ZNF875: variants seen among roughly 807,000 people sequenced by gnomAD.
ZNF875 encodes zinc finger protein 875.
Under a neutral mutation model 11.2 loss-of-function variants are expected in ZNF875, and 14 were observed. The observed-to-expected ratio is 1.26, with a 90% CI of 0.83 to 1.96. The LOEUF is 1.96. Among genes scored for constraint, ZNF875 ranks in the 30% most tolerant of loss-of-function variants. ZNF875 has a pLI of 0.00. For synonymous variants in ZNF875, 301 were observed against 281.1 expected (o/e 1.07, Z -0.71); for missense variants, 752 against 760.4 (o/e 0.99, Z 0.13).
intron 4 of ZNF875, chr19:37,358,131 ATCTTT>A: frequency 5.7e-6 from 1 of 174,202 alleles, no homozygotes; most frequent in Non-Finnish European, 1.1e-5. Flanking sequence ...TATTAAGATG[ATCTTT>A]TTTTTTTTTT....
At chr19:37,360,523 G>T (rs2039718256) in intron 4 of ZNF875, among the ~76,000 whole-genome samples, 1 of 152,158 alleles carries the variant, frequency 6.6e-6, no homozygotes, top group African/African-American at 2.4e-5. Flanking sequence ...GATAAATTTT[G>T]GTGAGAATCA....
chr19:37,333,839 T>C (rs181868628), upstream of ZNF875, among the ~76,000 whole-genome samples: 12 of 152,130 alleles, frequency 7.9e-5, no homozygotes, highest in Admixed American at 7.2e-4. Context: ...TCTTTAAAAA[T>C]AAAATCAATG....
rs938573006 is a variant in ZNF875, at chr19:37,362,601, G to T, written c.749G>T (p.Gly250Val). The T allele has an allele frequency of 3.1e-6, 5 of 1,613,926 alleles. No individual in the cohort carries two copies. Among genetic ancestry groups the T allele is most frequent in the Admixed American group, 3.3e-5 (2 of 59,992 alleles). ...CTTAGCCTCCAGAAGACACAAACTG[G>T]GGAGACACCTTACATGTACACTGAG... ...NLLSLQKTQT[G>V]ETPYMYTEWG... The change falls in exon 5 of 5, where the codon GGG becomes GTG. Residue 250 changes from glycine (G) to valine (V), a missense_variant. Transcript: ENST00000392153.
rs1265529875 is a variant in ZNF875 at position 37,362,957 on chromosome 19, A to G, written c.1105A>G (p.Arg369Gly). 6.2e-7 allele frequency: 1 copy of G among 1,614,158 alleles called. No homozygotes were observed. Among genetic ancestry groups the G allele is most frequent in the Admixed American group, 1.7e-5 (1 of 60,036 alleles). The change falls in exon 5 of 5, where the codon AGG becomes GGG. Residue 369 changes from arginine to glycine, a missense_variant. Transcript: ENST00000392153. ...CACTGGGGAGAAGCCTTATGTTTGC[A>G]GGGAATGTGGGCGTGGCTTTCGCCA... ...AHTGEKPYVC[R>G]ECGRGFRQHS...
chr19:37,319,359 A>ATC (rs1405666011), intron 1 of ZNF875, among the ~76,000 whole-genome samples: 2 of 143,842 alleles, frequency 1.4e-5, no homozygotes, highest in African/African-American at 5.2e-5. Context: ...ATATATATAT[A>ATC]TATATATATA....
intron 2 of ZNF875, 34 bp from the exon 3 acceptor site, chr19:37,347,156 T>G: frequency 6.2e-7 from 1 of 1,613,280 alleles, no homozygotes; most frequent in Non-Finnish European, 8.5e-7. Context: ...AAAGACAGGC[T>G]CCTGGGTGAG....
intron 1 of ZNF875, among the ~76,000 whole-genome samples, chr19:37,320,031 G>A (rs2031067104): frequency 6.6e-6 from 1 of 152,128 alleles, no homozygotes; most frequent in South Asian, 2.1e-4. Flanking sequence ...GGGACTACAG[G>A]CACCCGCCAC....
chr19:37,317,188 T>TG (rs1277484853), upstream of ZNF875: 2 of 132,836 alleles, frequency 1.5e-5, no homozygotes, highest in African/African-American at 2.8e-5. Flanking sequence ...GGTTTTTTTT[T>TG]TTTTTTTTTT....
At chr19:37,324,942 T>C (rs938261021) in intron 4 of ZNF875, 1 of 152,182 alleles carries the variant, frequency 6.6e-6, no homozygotes, top group African/African-American at 2.4e-5. Context: ...ACCTGGTTAA[T>C]TTTGTTTTTG....
rs763022884 is a variant in ZNF875, at chr19:37,361,521, CA to C, written c.257-586del. Among the ~76,000 whole-genome samples the C allele has an allele frequency of 3.8e-4, 58 of 152,024 alleles. 1 individual carries two copies. The highest frequency in any genetic ancestry group is 9.7e-4 in the African/African-American group (40 of 41,368). The stretch of plus-strand genomic sequence containing the variant: ...TTTCTGTGTCTCCCTCTTTTGAATT[CA>C]ACCCCTTAAAAAGGTAAAAACCATT... On this transcript the variant is annotated intron_variant, in intron 4 of 4. Transcript: ENST00000392153.
At chr19:37,339,278 T>G (rs1471842588) in intron 2 of ZNF875, among the ~76,000 whole-genome samples, 1 of 152,058 alleles carries the variant, frequency 6.6e-6, no homozygotes, top group Non-Finnish European at 1.5e-5. Flanking sequence ...AGCTCTATTT[T>G]TAAAGGTGTA....
In ZNF875 at chr19:37,347,834, G is replaced by A. The variant is rs1353495096; in HGVS notation, c.218G>A (p.Trp73Ter). Reference protein sequence around the residue: ...IAQLERGEAPWREERKCPLDL... With the variant: ...IAQLERGEAP ...CAGCTGGAGCGAGGGGAAGCGCCCT[G>A]GAGAGAGGAGAGAAAATGTCCACTG... The change falls in exon 4 of 5, where the codon TGG becomes TAG. Residue 73 changes from tryptophan to a stop codon, truncating the protein, a stop_gained. Transcript: ENST00000392153. LOFTEE classifies it low-confidence loss of function (END_TRUNC). 6.2e-7 allele frequency: 1 copy of A among 1,613,014 alleles called. No homozygotes were observed.
chr19:37,325,792 C>G (rs931106206), intron 4 of ZNF875, among the ~76,000 whole-genome samples: 1 of 151,992 alleles, frequency 6.6e-6, no homozygotes, highest in African/African-American at 2.4e-5. Context: ...ACTGCAGCCT[C>G]GATATCTGGG....
chr19:37,341,531 G>A (rs185808855), intron 2 of ZNF875, among the ~76,000 whole-genome samples: 8 of 152,246 alleles, frequency 5.3e-5, no homozygotes, highest in African/African-American at 1.2e-4. Flanking sequence ...TAGTTTTAAC[G>A]TTTTGGCTTT....
exon 1 of ZNF875, chr19:37,318,186 G>A (rs2030415122): frequency 6.5e-6 from 1 of 153,332 alleles, no homozygotes; most frequent in Non-Finnish European, 1.5e-5. Flanking sequence ...CAAGATTAAA[G>A]GTAAAAACGG....
chr19:37,317,791 G>T (rs539904413), upstream of ZNF875: 1 of 152,374 alleles, frequency 6.6e-6, no homozygotes, highest in African/African-American at 2.4e-5. Context: ...AACCGAGAGC[G>T]TCCCTTCCTT....
At chr19:37,315,798 A>G (rs1050752386), upstream of ZNF875, among the ~76,000 whole-genome samples, 5 of 152,042 alleles carry the variant, frequency 3.3e-5, no homozygotes, top group African/African-American at 1.2e-4. Flanking sequence ...TGCACCTACA[A>G]GCAGAAGTGT....
intron 4 of ZNF875, among the ~76,000 whole-genome samples, chr19:37,357,414 T>G (rs937676965): frequency 6.6e-6 from 1 of 152,224 alleles, no homozygotes; most frequent in African/African-American, 2.4e-5. Context: ...ATCTGTAGAT[T>G]GCTTTGGGCA....
At chr19:37,339,544 G>GTT (rs572775539) in intron 2 of ZNF875, among the ~76,000 whole-genome samples, 26,274 of 115,674 alleles carry the variant, frequency 0.23, 4,286 homozygotes, top group African/African-American at 0.36. Flanking sequence ...AACCCTGCCA[G>GTT]TTTTTTTTTT....
Sources: allele counts gnomAD v4.1 joint callset (sites outside exome capture counted in the v4.1 genomes callset), GRCh38; gene constraint gnomAD v4.1.1; transcripts MANE v1.5; gene names NCBI Gene and HGNC (gene_info 2026-07-23, HGNC 2026-07-21).